BRINP1: variants seen among roughly 807,000 people sequenced by gnomAD.
The protein encoded by BRINP1 is BMP/retinoic acid-inducible neural-specific protein 1.
BRINP1 carries 17 observed loss-of-function variants against 72.9 expected under a neutral mutation model. That is an observed-to-expected ratio of 0.23 (90% CI 0.16 to 0.35). The LOEUF (loss-of-function observed/expected upper bound fraction) is 0.35, where lower values mean the gene tolerates loss of function less well. Among genes scored for constraint, BRINP1 ranks in the 10% least tolerant of loss-of-function variants. The pLI, the probability that BRINP1 is intolerant of heterozygous loss-of-function variation, is 1.00. For missense variants in BRINP1, 850 were observed against 1,001.6 expected (o/e 0.85, Z 2.04); for synonymous variants, 418 against 378.5 (o/e 1.10, Z -1.21).
At position 119,166,983 on chromosome 9, in the gene BRINP1, C is replaced by T. The variant is rs1324813892; in HGVS notation, c.*101G>A. Reference sequence around the variant, plus strand: ...CCTCCTTTTCTTTGAATATTAATTACATTTTACAAATTTTTGTGGGTTTTT... The same window carrying T: ...CCTCCTTTTCTTTGAATATTAATTATATTTTACAAATTTTTGTGGGTTTTT... On this transcript the variant is annotated 3_prime_UTR_variant, in exon 8 of 8. Transcript: ENST00000265922. The T allele has an allele frequency of 1.1e-5, 14 of 1,282,620 alleles. No homozygotes were observed. In the South Asian group the frequency reaches 1.2e-4, roughly 11 times the overall value. The allele number at this position is 1,282,620 out of a possible 1,614,324, so 79.5% of individuals were successfully genotyped here.
intron 2 of BRINP1, among the ~76,000 whole-genome samples, chr9:119,285,809 C>T (rs997054903): frequency 6.6e-6 from 1 of 152,098 alleles, no homozygotes; most frequent in Non-Finnish European, 1.5e-5. Context: ...GGAAGAAACA[C>T]AATTTTACCA....
intron 7 of BRINP1, 48 bp from the exon 8 acceptor site, chr9:119,168,272 C>CTGTGAGTTACAGTTA: frequency 1.4e-6 from 2 of 1,406,588 alleles, no homozygotes; most frequent in South Asian, 3.0e-5. Context: ...ATGAGTGGGT[C>CTGTGAGTTACAGTTA]TGTGAGTTAC....
intron 2 of BRINP1, among the ~76,000 whole-genome samples, chr9:119,258,176 A>G (rs1830462454): frequency 6.6e-6 from 1 of 152,144 alleles, no homozygotes; most frequent in Non-Finnish European, 1.5e-5. Flanking sequence ...CCAGCCTCAT[A>G]GCAGTTCTGA....
chr9:119,350,272 T>G (rs577551127), intron 1 of BRINP1, among the ~76,000 whole-genome samples: 7 of 152,254 alleles, frequency 4.6e-5, no homozygotes, highest in African/African-American at 1.2e-4. Flanking sequence ...AACACTCAAG[T>G]CAGAGCCCTA....
At chr9:119,294,853 T>TTAAAAAAA (rs1354198615) in intron 2 of BRINP1, among the ~76,000 whole-genome samples, 5 of 128,026 alleles carry the variant, frequency 3.9e-5, no homozygotes, top group South Asian at 5.1e-4. Flanking sequence ...GACACTACGT[T>TTAAAAAAA]AAAAAAAAAA....
intron 2 of BRINP1, among the ~76,000 whole-genome samples, chr9:119,302,023 A>G (rs917010455): frequency 2.0e-5 from 3 of 152,194 alleles, no homozygotes; most frequent in Non-Finnish European, 2.9e-5. Context: ...CCCTATTGTC[A>G]TTAGGATGTA....
rs764150051 is a variant in BRINP1, at chr9:119,309,971, A to T, written c.218+3167T>A. 5.3e-4 allele frequency among the ~76,000 whole-genome samples: 81 copies of T among 152,178 alleles called. 1 individual carries two copies. The highest frequency in any genetic ancestry group is 2.8e-4 in the Non-Finnish European group (19 of 68,038). ...GAGTGCTGCATACATGAATTTTCCC[A>T]GGATGAGAAAGCTGGAAAGAGGCTC... On this transcript the variant is annotated intron_variant, in intron 2 of 7. Coordinates refer to ENST00000265922, the MANE Select transcript of BRINP1 (RefSeq NM_014618.3).
chr9:119,255,158 C>T (rs1429799184), intron 2 of BRINP1, among the ~76,000 whole-genome samples: 4 of 152,198 alleles, frequency 2.6e-5, no homozygotes, highest in African/African-American at 4.8e-5. Context: ...TCTGCTGGCC[C>T]GGGAACAATT....
At chr9:119,241,373 C>T (rs1022004553) in intron 4 of BRINP1, among the ~76,000 whole-genome samples, 1 of 152,062 alleles carries the variant, frequency 6.6e-6, no homozygotes, top group Non-Finnish European at 1.5e-5. Flanking sequence ...ACAGCCATGC[C>T]CATTTGTTTT....
intron 2 of BRINP1, among the ~76,000 whole-genome samples, chr9:119,286,091 CTAT>C (rs149021426): frequency 1.3e-4 from 19 of 151,978 alleles, no homozygotes; most frequent in Admixed American, 5.2e-4. Context: ...GCTGGAGATA[CTAT>C]TATTATTATT....
chr9:119,186,128 G>A (rs1020240745), intron 7 of BRINP1, among the ~76,000 whole-genome samples: 1 of 152,156 alleles, frequency 6.6e-6, no homozygotes, highest in Non-Finnish European at 1.5e-5. Context: ...GGGCTCAGAT[G>A]TTAGGGTCAC....
At chr9:119,317,813 G>A (rs1831140668) in intron 1 of BRINP1, among the ~76,000 whole-genome samples, 2 of 152,106 alleles carry the variant, frequency 1.3e-5, no homozygotes, top group African/African-American at 2.4e-5. Flanking sequence ...CCTTCCACCA[G>A]CAAAAAGATT....
intron 2 of BRINP1, among the ~76,000 whole-genome samples, chr9:119,280,245 TC>T (rs1441452868): frequency 9.2e-6 from 1 of 109,162 alleles, no homozygotes; most frequent in Non-Finnish European, 2.0e-5. Context: ...AGTTTTTTTT[TC>T]TTTTTTTTTT....
chr9:119,174,176 G>C (rs1459590557), intron 7 of BRINP1, among the ~76,000 whole-genome samples: 4 of 149,824 alleles, frequency 2.7e-5, no homozygotes, highest in Non-Finnish European at 4.4e-5. Flanking sequence ...AGAGTGAACA[G>C]GCAACCTACA....
chr9:119,347,574 T>C (rs1464559532), intron 1 of BRINP1, among the ~76,000 whole-genome samples: 1 of 152,146 alleles, frequency 6.6e-6, no homozygotes, highest in Non-Finnish European at 1.5e-5. Context: ...AATGGCTTCC[T>C]CCCACCTCTA....
intron 5 of BRINP1, among the ~76,000 whole-genome samples, chr9:119,234,123 G>A (rs1341843764): frequency 6.6e-6 from 1 of 152,158 alleles, no homozygotes; most frequent in Non-Finnish European, 1.5e-5. Context: ...CTTCTGGTGA[G>A]CATGTTTTCA....
intron 2 of BRINP1, among the ~76,000 whole-genome samples, chr9:119,261,453 G>C (rs1291820780): frequency 2.0e-5 from 3 of 152,076 alleles, no homozygotes; most frequent in Non-Finnish European, 4.4e-5. Flanking sequence ...GAGTTCATTG[G>C]ACAGTACTCC....
chr9:119,237,207 AT>A (rs1044736150), intron 5 of BRINP1, among the ~76,000 whole-genome samples: 2 of 150,916 alleles, frequency 1.3e-5, no homozygotes, highest in South Asian at 2.1e-4. Flanking sequence ...AAAGCATGTC[AT>A]TTTTTTTTCT....
chr9:119,250,392 G>A lies in BRINP1; in HGVS notation c.219-1242C>T, dbSNP rs1303306417. ...ATAACAGAGGATCTCACAACCAAAC[G>A]ACACCAAATTTGGAAGTCCAAGTCT... On this transcript the variant is annotated intron_variant, in intron 2 of 7. Transcript: ENST00000265922. Among the ~76,000 whole-genome samples the A allele has an allele frequency of 3.3e-5, 5 of 152,100 alleles. No individual in the cohort carries two copies. In the South Asian group the frequency reaches 8.3e-4, roughly 25 times the overall value.
Sources: allele counts gnomAD v4.1 joint callset (sites outside exome capture counted in the v4.1 genomes callset), GRCh38; gene constraint gnomAD v4.1.1; transcripts MANE v1.5; gene names NCBI Gene and HGNC (gene_info 2026-07-23, HGNC 2026-07-21).